Variants in COBL observed in about 807,000 individuals in gnomAD.
The protein encoded by COBL is cordon-bleu WH2 repeat protein, also known as protein cordon-bleu.
Under a neutral mutation model 98.8 loss-of-function variants are expected in COBL, and 51 were observed. The observed-to-expected ratio is 0.52, with a 90% CI of 0.41 to 0.65. The LOEUF is 0.65. COBL is among the 30% of genes least tolerant of loss of function. The probability of loss-of-function intolerance (pLI) is 0.00; values close to 1 mark genes in which losing one functional copy is unlikely to be tolerated. For synonymous variants in COBL, 634 were observed against 651.7 expected (o/e 0.97, Z 0.41); for missense variants, 1,617 against 1,617.5 (o/e 1.00, Z 0.01).
chr7:51,099,908 T>A (rs892125634), intron 6 of COBL, among the ~76,000 whole-genome samples: 2 of 152,214 alleles, frequency 1.3e-5, no homozygotes, highest in Non-Finnish European at 2.9e-5. Flanking sequence ...TTCTAACTTG[T>A]AAGACTTTTC....
chr7:51,068,651 G>A (rs1792213948), intron 7 of COBL, among the ~76,000 whole-genome samples: 1 of 152,072 alleles, frequency 6.6e-6, no homozygotes, highest in Non-Finnish European at 1.5e-5. Context: ...GGTGAGTGAT[G>A]GTTTCATGGT....
chr7:51,118,570 C>A (rs184940551), intron 6 of COBL, among the ~76,000 whole-genome samples: 2 of 151,524 alleles, frequency 1.3e-5, no homozygotes, highest in East Asian at 3.9e-4. Flanking sequence ...AAGCAAGTTC[C>A]AAATTCCAAT....
In COBL at chr7:51,062,901, T is replaced by C. The variant is rs112086290; in HGVS notation, c.1097-19209A>G. 4.5e-3 allele frequency among the ~76,000 whole-genome samples: 679 copies of C among 152,174 alleles called. 6 individuals carry two copies. The highest frequency in any genetic ancestry group is 0.015 in the African/African-American group (630 of 41,526). On this transcript the variant is annotated intron_variant, in intron 7 of 12. Transcript: ENST00000265136. The stretch of plus-strand genomic sequence containing the variant: ...ACACACAGGAGCAACCACGGTGAAG[T>C]CCTGAGTCCTTGACATGCATTTGCT...
rs145708533 is a variant in COBL, at chr7:51,028,861, G to A, written c.2235C>T (p.Thr745=). 3.7e-6 allele frequency: 6 copies of A among 1,614,198 alleles called. No homozygotes were observed. Among genetic ancestry groups the A allele is most frequent in the East Asian group, 2.2e-5 (1 of 44,878 alleles). ...AAGACAGGGAAATGATCCTGATGCC[G>A]GTGGCGTGAGGACTCACCAAGTTCC... ...ELGNLVSPHA[T]GIRIISLSSS... Residue 745 remains threonine (T), a synonymous_variant, in exon 10 of 13, where the codon ACC becomes ACT. Coordinates refer to ENST00000265136, the MANE Select transcript of COBL (RefSeq NM_015198.5).
intron 4 of COBL, 89 bp downstream of exon 4, chr7:51,190,761 A>C (rs1790027036): frequency 9.8e-7 from 1 of 1,024,552 alleles, no homozygotes; most frequent in Middle Eastern, 2.1e-4. Flanking sequence ...GGCGCTACTG[A>C]GAGTGCTGGG....
At chr7:51,284,272 G>A (rs965346262) in intron 1 of COBL, among the ~76,000 whole-genome samples, 5 of 151,194 alleles carry the variant, frequency 3.3e-5, no homozygotes, top group Non-Finnish European at 7.4e-5. Flanking sequence ...CTGCACTCCA[G>A]CCTGGGCAAC....
intron 7 of COBL, among the ~76,000 whole-genome samples, chr7:51,084,109 T>C (rs189870214): frequency 7.2e-5 from 11 of 152,300 alleles, no homozygotes; most frequent in African/African-American, 2.6e-4. Flanking sequence ...TACAGGTTAT[T>C]GCTTCTTAAG....
At chr7:51,293,645 A>C (rs1211494526) in intron 1 of COBL, among the ~76,000 whole-genome samples, 2 of 152,222 alleles carry the variant, frequency 1.3e-5, no homozygotes, top group Non-Finnish European at 2.9e-5. Flanking sequence ...AAAATTCATA[A>C]AGCTGTATGC....
intron 6 of COBL, among the ~76,000 whole-genome samples, chr7:51,114,222 A>G (rs1420321381): frequency 6.6e-6 from 1 of 152,084 alleles, no homozygotes; most frequent in Non-Finnish European, 1.5e-5. Flanking sequence ...CTCCTAACAC[A>G]ACAGCAGAAC....
intron 5 of COBL, among the ~76,000 whole-genome samples, chr7:51,170,506 G>GATATATATATATATAT (rs3047166): frequency 1.5e-5 from 2 of 132,074 alleles, no homozygotes; most frequent in African/African-American, 5.9e-5. Context: ...CTGACACTGT[G>GATATATATATATATAT]ATATATATAT....
At chr7:51,277,879 GA>G (rs1484724074) in intron 1 of COBL, among the ~76,000 whole-genome samples, 2 of 152,130 alleles carry the variant, frequency 1.3e-5, no homozygotes, top group African/African-American at 4.8e-5. Context: ...AATACTTTCT[GA>G]CCACCCAACA....
chr7:51,083,163 G>A, intron 7 of COBL: 1 of 1,505,146 alleles, frequency 6.6e-7, no homozygotes, highest in East Asian at 2.5e-5. Flanking sequence ...GGTGGGGGAA[G>A]CACTAACTGG....
At chr7:51,097,607 G>T (rs538351328) in intron 6 of COBL, among the ~76,000 whole-genome samples, 2 of 152,110 alleles carry the variant, frequency 1.3e-5, no homozygotes, top group South Asian at 4.2e-4. Flanking sequence ...AAAGTTGCAG[G>T]ATACAAAATC....
chr7:51,127,229 C>T (rs1798298382), intron 6 of COBL, among the ~76,000 whole-genome samples: 1 of 152,172 alleles, frequency 6.6e-6, no homozygotes, highest in African/African-American at 2.4e-5. Context: ...AGACACAGAA[C>T]TGGAAAGTCA....
intron 1 of COBL, among the ~76,000 whole-genome samples, chr7:51,287,359 A>C (rs1284617039): frequency 6.6e-6 from 1 of 152,240 alleles, no homozygotes; most frequent in African/African-American, 2.4e-5. Context: ...AAAAAGACAT[A>C]TGGATGGTAA....
intron 9 of COBL, among the ~76,000 whole-genome samples, chr7:51,029,796 C>T (rs1787975130): frequency 6.6e-6 from 1 of 152,194 alleles, no homozygotes; most frequent in South Asian, 2.1e-4. Context: ...GTTTGCAGAT[C>T]CATGATGTTT....
intron 1 of COBL, among the ~76,000 whole-genome samples, chr7:51,229,511 C>A (rs1794532141): frequency 6.6e-6 from 1 of 152,166 alleles, no homozygotes; most frequent in Admixed American, 6.5e-5. Flanking sequence ...TTGGAGTTTT[C>A]CAGGGCAGGC....
chr7:51,265,456 C>A (rs1798113018), intron 1 of COBL, among the ~76,000 whole-genome samples: 1 of 152,214 alleles, frequency 6.6e-6, no homozygotes, highest in Admixed American at 6.5e-5. Flanking sequence ...ACAGGCTGCA[C>A]CTCTGCTCTA....
chr7:51,035,226 C>T (rs758203595), intron 8 of COBL: 3 of 152,166 alleles, frequency 2.0e-5, no homozygotes, highest in East Asian at 1.9e-4. Context: ...GAGCCAAAAG[C>T]GCTTTTTGAT....
Sources: allele counts gnomAD v4.1 joint callset (sites outside exome capture counted in the v4.1 genomes callset), GRCh38; gene constraint gnomAD v4.1.1; transcripts MANE v1.5; gene names NCBI Gene and HGNC (gene_info 2026-07-23, HGNC 2026-07-21).